LRRC3B: variants seen among roughly 807,000 people sequenced by gnomAD.
The protein encoded by LRRC3B is leucine rich repeat containing 3B.
A neutral mutation model predicts 12.8 loss-of-function variants in LRRC3B; 2 were observed. That is an observed-to-expected ratio of 0.16 (90% CI 0.06 to 0.49). The LOEUF is 0.49. Ranked by LOEUF, LRRC3B falls within the 20% of genes least tolerant of loss-of-function variation. LRRC3B has a pLI of 0.96. For missense variants in LRRC3B, 189 were observed against 319.4 expected, an observed-to-expected ratio of 0.59 and a Z score of 3.11; for synonymous variants, 132 against 122.0, an observed-to-expected ratio of 1.08 and a Z score of -0.54.
chr3:26,690,377 G>T (rs1369334090), intron 1 of LRRC3B, among the ~76,000 whole-genome samples: 2 of 152,070 alleles, frequency 1.3e-5, no homozygotes, highest in Non-Finnish European at 2.9e-5. Context: ...CCTGCCATTT[G>T]GTTCACCAAG....
At chr3:26,663,806 A>G (rs1468685396) in intron 1 of LRRC3B, among the ~76,000 whole-genome samples, 2 of 152,070 alleles carry the variant, frequency 1.3e-5, no homozygotes, top group East Asian at 1.9e-4. Context: ...TTCAGTTACC[A>G]TCTTGCCAGT....
chr3:26,630,302 C>G (rs953975142), intron 1 of LRRC3B, among the ~76,000 whole-genome samples: 1 of 152,224 alleles, frequency 6.6e-6, no homozygotes, highest in Non-Finnish European at 1.5e-5. Flanking sequence ...AGGTCTTCTA[C>G]TCTGATTTAC....
At chr3:26,685,812 A>G (rs1383999448) in intron 1 of LRRC3B, among the ~76,000 whole-genome samples, 4 of 151,874 alleles carry the variant, frequency 2.6e-5, no homozygotes, top group Non-Finnish European at 5.9e-5. Flanking sequence ...GGGTTTAAAT[A>G]CTGTGTCTAA....
At chr3:26,660,189 G>T (rs1438919326) in intron 1 of LRRC3B, among the ~76,000 whole-genome samples, 2 of 152,166 alleles carry the variant, frequency 1.3e-5, no homozygotes, top group Non-Finnish European at 2.9e-5. Context: ...TAGGGGGTTT[G>T]CTTGTGTTGC....
intron 1 of LRRC3B, among the ~76,000 whole-genome samples, chr3:26,665,533 A>G (rs1454045256): frequency 6.6e-6 from 1 of 152,126 alleles, no homozygotes. Flanking sequence ...CTAATCTGAA[A>G]AGCATGGAGT....
chr3:26,699,889 A>ATCTT (rs1700411741), intron 1 of LRRC3B, among the ~76,000 whole-genome samples: 1 of 152,204 alleles, frequency 6.6e-6, no homozygotes, highest in Admixed American at 6.5e-5. Flanking sequence ...ACATCGTGGT[A>ATCTT]TCTTTATGCT....
intron 1 of LRRC3B, among the ~76,000 whole-genome samples, chr3:26,693,359 G>C (rs1429704564): frequency 1.4e-5 from 2 of 144,622 alleles, no homozygotes; most frequent in Non-Finnish European, 3.0e-5. Flanking sequence ...AAAAGATCAA[G>C]AGCAGGAACA....
At chr3:26,652,382 G>T (rs372575505) in intron 1 of LRRC3B, among the ~76,000 whole-genome samples, 1 of 152,208 alleles carries the variant, frequency 6.6e-6, no homozygotes, top group Non-Finnish European at 1.5e-5. Context: ...AGCATATGCT[G>T]CCGGGAAGTG....
chr3:26,664,902 A>C (rs562703880), intron 1 of LRRC3B, among the ~76,000 whole-genome samples: 1 of 151,372 alleles, frequency 6.6e-6, no homozygotes, highest in South Asian at 2.1e-4. Context: ...GGCTTAATAA[A>C]ATGTAGTTTG....
At chr3:26,693,080 C>T (rs1031794503) in intron 1 of LRRC3B, among the ~76,000 whole-genome samples, 1 of 152,038 alleles carries the variant, frequency 6.6e-6, no homozygotes, top group Non-Finnish European at 1.5e-5. Context: ...CCTGTAATCC[C>T]AGCACTTTGG....
rs9331540 is a variant in LRRC3B, at chr3:26,671,413, G to GAGAGAGGGAGAGAGAGAGAC, written c.-160-38099_-160-38098insGAGAGGGAGAGAGAGAGACA. 8.0e-5 allele frequency among the ~76,000 whole-genome samples: 8 copies of GAGAGAGGGAGAGAGAGAGAC among 99,402 alleles called. 1 individual carries two copies. The highest frequency in any genetic ancestry group is 2.4e-4 in the Admixed American group (2 of 8,320). The allele number at this position is 99,402 out of a possible 152,430, so 65.2% of individuals were successfully genotyped here. ...AGAGAGAGAGAGAGAGAGAGAGAGAGACGAAGTCTTGCTCTGTCGCCAGGC... is the reference window on the plus strand; with the variant it reads ...AGAGAGAGAGAGAGAGAGAGAGAGAGAGAGAGGGAGAGAGAGAGACACGAAGTCTTGCTCTGTCGCCAGGC... On this transcript the variant is annotated intron_variant, in intron 1 of 1. Coordinates refer to ENST00000396641, the Ensembl canonical transcript of LRRC3B.
intron 1 of LRRC3B, among the ~76,000 whole-genome samples, chr3:26,656,389 C>A (rs1346930124): frequency 6.6e-6 from 1 of 152,132 alleles, no homozygotes; most frequent in Non-Finnish European, 1.5e-5. Context: ...TCCCTGTAGT[C>A]ATTCAGGGAG....
In LRRC3B at chr3:26,638,263, A is replaced by C. The variant is rs150392187; in HGVS notation, c.-161+15026A>C. The stretch of plus-strand genomic sequence containing the variant: ...GACTTTAATGTCATGATATAAAAAA[A>C]ATTTCAGGATTTGTAGAAAACATAT... On this transcript the variant is annotated intron_variant, in intron 1 of 1. Transcript: ENST00000396641. 2.5e-3 allele frequency among the ~76,000 whole-genome samples: 382 copies of C among 152,320 alleles called. 1 individual carries two copies. The highest frequency in any genetic ancestry group is 7.4e-3 in the African/African-American group (307 of 41,574).
chr3:26,641,439 A>AT (rs1699029374), intron 1 of LRRC3B, among the ~76,000 whole-genome samples: 1 of 152,212 alleles, frequency 6.6e-6, no homozygotes, highest in African/African-American at 2.4e-5. Context: ...TCTGCATGGC[A>AT]TGTCTGCCTT....
Position 26,646,906 on chromosome 3 carries a change from G to T in LRRC3B, c.-161+23669G>T, listed in dbSNP as rs563518347. Among the ~76,000 whole-genome samples the T allele has an allele frequency of 1.3e-3, 192 of 151,238 alleles. 2 individuals carry two copies. The highest frequency in any genetic ancestry group is 8.1e-4 in the Non-Finnish European group (55 of 67,906). On this transcript the variant is annotated intron_variant, in intron 1 of 1. Transcript: ENST00000396641. The stretch of plus-strand genomic sequence containing the variant: ...CTTATGGCTGTGAATTTGGCTCAAG[G>T]CCTGGCCCATTGTAAGTACTCAGCA...
chr3:26,641,981 G>A (rs1386511189), intron 1 of LRRC3B, among the ~76,000 whole-genome samples: 4 of 152,096 alleles, frequency 2.6e-5, no homozygotes, highest in South Asian at 2.1e-4. Context: ...AAAAAGGTAA[G>A]CCTATCACAT....
At chr3:26,661,254 C>T (rs186261571) in intron 1 of LRRC3B, among the ~76,000 whole-genome samples, 43 of 152,308 alleles carry the variant, frequency 2.8e-4, no homozygotes, top group African/African-American at 9.4e-4. Flanking sequence ...TCTCTTAAGA[C>T]TTGCACTGCC....
At chr3:26,678,542 C>G (rs928344848) in intron 1 of LRRC3B, among the ~76,000 whole-genome samples, 1 of 151,908 alleles carries the variant, frequency 6.6e-6, no homozygotes, top group Non-Finnish European at 1.5e-5. Context: ...AGTGCTGATG[C>G]CTGAAGAATC....
chr3:26,632,202 C>A (rs576342113), intron 1 of LRRC3B, among the ~76,000 whole-genome samples: 2 of 152,330 alleles, frequency 1.3e-5, no homozygotes, highest in East Asian at 1.9e-4. Flanking sequence ...AATTGCCATG[C>A]GGGCAAGATG....
Sources: allele counts gnomAD v4.1 joint callset (sites outside exome capture counted in the v4.1 genomes callset), GRCh38; gene constraint gnomAD v4.1.1; transcripts MANE v1.5; gene names NCBI Gene and HGNC (gene_info 2026-07-23, HGNC 2026-07-21).